Variants in SEPTIN4 observed in about 807,000 individuals in gnomAD.
The protein encoded by SEPTIN4 is septin-4.
Under a neutral mutation model 107.1 loss-of-function variants are expected in SEPTIN4, and 52 were observed. The observed-to-expected ratio is 0.49, with a 90% confidence interval of 0.39 to 0.61. SEPTIN4 has a LOEUF of 0.61. Ranked by LOEUF, SEPTIN4 falls within the 20% of genes least tolerant of loss-of-function variation. SEPTIN4 has a pLI of 0.00. For synonymous variants in SEPTIN4, 417 were observed against 467.0 expected, an observed-to-expected ratio of 0.89 and a Z score of 1.38; for missense variants, 1,048 against 1,243.5, an observed-to-expected ratio of 0.84 and a Z score of 2.36.
At position 58,526,744 on chromosome 17, in the gene SEPTIN4, G is replaced by A; in HGVS notation, c.1849C>T (p.Leu617Phe). The change falls in exon 4 of 14, where the codon CTC (leucine) becomes TTC (phenylalanine). Residue 617 changes from leucine (L) to phenylalanine (F), a missense_variant. Transcript: ENST00000672673. The part of the protein sequence containing the change: ...NQQYFCAPAP[L>F]SPSARPRSPW... Reference sequence around the variant, plus strand: ...CTGCGGGGCCTGGCAGATGGGCTGAGAGGGGCTGGGGCACAGAAGTACTGC... The same window carrying A: ...CTGCGGGGCCTGGCAGATGGGCTGAAAGGGGCTGGGGCACAGAAGTACTGC... The A allele has an allele frequency of 6.2e-7, 1 of 1,611,956 alleles. No individual in the cohort carries two copies. Among genetic ancestry groups the A allele is most frequent in the Non-Finnish European group, 8.5e-7 (1 of 1,179,268 alleles).
chr17:58,520,958 G>C (rs373053822), intron 12 of SEPTIN4, 40 bp downstream of exon 12: 2 of 1,612,718 alleles, frequency 1.2e-6, no homozygotes, highest in South Asian at 2.2e-5. Context: ...CTAGGCTTGG[G>C]ATCTCCCCCT....
intron 3 of SEPTIN4, 26 bp downstream of exon 3, chr17:58,540,640 G>A (rs2043855103): frequency 7.4e-7 from 1 of 1,349,874 alleles, no homozygotes; most frequent in Non-Finnish European, 9.5e-7. Flanking sequence ...GGAAGACTGG[G>A]AGTAACCTCC....
chr17:58,541,045 G>A (rs1394105188), intron 2 of SEPTIN4, among the ~76,000 whole-genome samples: 2 of 152,172 alleles, frequency 1.3e-5, no homozygotes, highest in Admixed American at 6.5e-5. Context: ...TAGATAACTC[G>A]AGTTCGTACT....
chr17:58,524,805 T>G, intron 7 of SEPTIN4: 2 of 317,556 alleles, frequency 6.3e-6, no homozygotes, highest in Non-Finnish European at 1.2e-5. Context: ...TGGCCTCAAG[T>G]GATACTTCCG....
In SEPTIN4 at chr17:58,526,676, C is replaced by T; in HGVS notation, c.1911+6G>A. The T allele has an allele frequency of 6.4e-7, 1 of 1,556,124 alleles. No homozygotes were observed. Among genetic ancestry groups the T allele is most frequent in the Non-Finnish European group, 8.6e-7 (1 of 1,156,482 alleles). ...TGAAAGGCAAAGGCAGGGCTGGAGG[C>T]TCTACCTCAGAGGAATCATAGGGAT... On this transcript the variant is annotated splice_donor_region_variant and intron_variant, in intron 4 of 13. Coordinates refer to ENST00000672673, the MANE Select transcript of SEPTIN4 (RefSeq NM_001368771.2).
intron 3 of SEPTIN4, 76 bp downstream of exon 3, chr17:58,540,590 T>C: frequency 8.3e-7 from 1 of 1,200,842 alleles, no homozygotes; most frequent in Non-Finnish European, 1.1e-6. Flanking sequence ...CCACTCCCAT[T>C]ACAGGACAGG....
intron 13 of SEPTIN4, 57 bp downstream of exon 13, chr17:58,520,686 G>C (rs2042167557): frequency 1.2e-5 from 20 of 1,602,496 alleles, no homozygotes; most frequent in African/African-American, 2.7e-5. Flanking sequence ...CAAACAAAGA[G>C]ATACCAACGT....
At chr17:58,526,048 C>T (rs1201070331) in intron 5 of SEPTIN4, among the ~76,000 whole-genome samples, 172 bp downstream of exon 5, 1 of 148,994 alleles carries the variant, frequency 6.7e-6, no homozygotes, top group Non-Finnish European at 1.5e-5. Flanking sequence ...CACCCCCACC[C>T]CACCCCACAT....
intron 7 of SEPTIN4, among the ~76,000 whole-genome samples, chr17:58,522,562 C>T (rs1048291738): frequency 4.7e-5 from 7 of 149,310 alleles, no homozygotes; most frequent in South Asian, 2.1e-4. Flanking sequence ...CTCAGGAGTC[C>T]GAGGCAGGAG....
intron 3 of SEPTIN4, chr17:58,529,175 G>A (rs762924083): frequency 2.5e-6 from 4 of 1,614,196 alleles, no homozygotes; most frequent in Non-Finnish European, 3.4e-6. Flanking sequence ...AACGGTCCAT[G>A]TCCCACGCTT....
Position 58,541,927 on chromosome 17 carries a change from A to G in SEPTIN4, c.1601T>C (p.Leu534Pro), listed in dbSNP as rs558490844. 2 of 1,614,132 alleles carry G rather than the reference A, an allele frequency of 1.2e-6. No homozygotes were observed. The highest frequency in any genetic ancestry group is 4.5e-5 in the East Asian group (2 of 44,882). ...EEMYNRVIWW[L>P]KDEEIKRFLE... The stretch of plus-strand genomic sequence containing the variant: ...TAGGAGGGAAAAGCACAGACCTTTT[A>G]GCCACCAGATGACACGATTGTACAT... Residue 534 changes from leucine (L) to proline (P), a missense_variant, in exon 2 of 14, where the codon CTA becomes CCA. Leu to Pro is a moderately conservative substitution (Grantham distance 98, BLOSUM62 -3). Around this residue, in one of 2 missense-constraint regions of SEPTIN4, gnomAD observed 787 missense variants for 871.8 expected, o/e 0.90. Transcript: ENST00000672673.
intron 3 of SEPTIN4, among the ~76,000 whole-genome samples, chr17:58,533,490 G>C (rs996150498): frequency 2.0e-5 from 3 of 152,252 alleles, no homozygotes; most frequent in East Asian, 1.9e-4. Flanking sequence ...GAAGATAAGA[G>C]AACAAGGCAG....
intron 5 of SEPTIN4, among the ~76,000 whole-genome samples, 198 bp from the exon 6 acceptor site, chr17:58,525,979 A>G (rs2042816818): frequency 6.6e-6 from 1 of 152,072 alleles, no homozygotes; most frequent in Non-Finnish European, 1.5e-5. Context: ...GGTCACACAA[A>G]AAGAGGCAAA....
intron 5 of SEPTIN4, 77 bp downstream of exon 5, chr17:58,526,134 ACCTATACTC>A: frequency 7.2e-6 from 10 of 1,395,982 alleles, no homozygotes; most frequent in Non-Finnish European, 9.4e-6. Flanking sequence ...GCTCCCTGCG[ACCTATACTC>A]CCTTCCCACT....
intron 3 of SEPTIN4, chr17:58,532,159 G>T (rs897135699): frequency 2.4e-5 from 24 of 1,004,974 alleles, no homozygotes; most frequent in African/African-American, 3.5e-5. Flanking sequence ...TAGCGGTGCC[G>T]GCGCGAAGTG....
intron 5 of SEPTIN4, among the ~76,000 whole-genome samples, 167 bp downstream of exon 5, chr17:58,526,053 C>A (rs1026052307): frequency 6.0e-5 from 9 of 149,522 alleles, no homozygotes; most frequent in African/African-American, 2.2e-4. Context: ...CCACCCCACC[C>A]CACATACATA....
At chr17:58,536,190 T>C (rs1392381244) in intron 3 of SEPTIN4, among the ~76,000 whole-genome samples, 2 of 152,250 alleles carry the variant, frequency 1.3e-5, no homozygotes, top group Non-Finnish European at 2.9e-5. Context: ...GAACAAACTC[T>C]GAGCCTCAAT....
At chr17:58,536,217 T>A (rs967046101) in intron 3 of SEPTIN4, among the ~76,000 whole-genome samples, 1 of 152,214 alleles carries the variant, frequency 6.6e-6, no homozygotes, top group Non-Finnish European at 1.5e-5. Context: ...ATCTGTGAAA[T>A]AGGGAGAATA....
chr17:58,526,659 A>C, intron 4 of SEPTIN4, 23 bp downstream of exon 4: 1 of 1,540,678 alleles, frequency 6.5e-7, no homozygotes, highest in Non-Finnish European at 8.7e-7. Flanking sequence ...ACTGAAAGGC[A>C]AAGGCAGGGC....
Sources: allele counts gnomAD v4.1 joint callset (sites outside exome capture counted in the v4.1 genomes callset), GRCh38; gene constraint gnomAD v4.1.1; regional missense constraint gnomAD v4.1.1; transcripts MANE v1.5; gene names NCBI Gene and HGNC (gene_info 2026-07-23, HGNC 2026-07-21).